The following CRY1 variants were observed in gnomAD, a reference collection of about 807,000 sequenced individuals.
CRY1 encodes the protein cryptochrome circadian regulator 1.
CRY1 carries 45 observed loss-of-function variants against 76.0 expected under a neutral mutation model. That is an observed-to-expected ratio of 0.59 (90% confidence interval 0.47 to 0.76). The LOEUF (loss-of-function observed/expected upper bound fraction) is 0.76. CRY1 is among the 30% of genes least tolerant of loss of function. The pLI is 0.00. For synonymous variants in CRY1, 248 were observed against 244.0 expected (o/e 1.02, Z -0.15); for missense variants, 587 against 716.4 (o/e 0.82, Z 2.06).
intron 1 of CRY1, among the ~76,000 whole-genome samples, chr12:107,032,435 G>T (rs1164825167): frequency 6.6e-6 from 1 of 151,682 alleles, no homozygotes; most frequent in Non-Finnish European, 1.5e-5. Context: ...AAACTATGTG[G>T]TCCCAAACAC....
chr12:106,995,512 T>A (rs1952224377), intron 10 of CRY1, among the ~76,000 whole-genome samples: 1 of 152,172 alleles, frequency 6.6e-6, no homozygotes, highest in Admixed American at 6.5e-5. Flanking sequence ...TACAAAGAGG[T>A]CCTGTTTCCC....
chr12:107,089,317 AT>A (rs1953441368), intron 1 of CRY1, among the ~76,000 whole-genome samples: 1 of 151,800 alleles, frequency 6.6e-6, no homozygotes, highest in African/African-American at 2.4e-5. Flanking sequence ...TGTCCTTCAA[AT>A]TTTTTGTTGT....
intron 1 of CRY1, among the ~76,000 whole-genome samples, chr12:107,081,106 G>A (rs1462582003): frequency 1.3e-5 from 2 of 152,082 alleles, no homozygotes; most frequent in South Asian, 2.1e-4. Context: ...CACTGAAGTT[G>A]TATACTAGAA....
At chr12:107,030,669 G>C (rs1214400325) in intron 1 of CRY1, among the ~76,000 whole-genome samples, 1 of 151,260 alleles carries the variant, frequency 6.6e-6, no homozygotes, top group African/African-American at 2.4e-5. Context: ...ACAGTGTACA[G>C]TAATGATATC....
intron 1 of CRY1, among the ~76,000 whole-genome samples, chr12:107,087,158 A>G (rs1421486233): frequency 2.0e-5 from 3 of 152,366 alleles, no homozygotes; most frequent in South Asian, 2.1e-4. Context: ...ACTCCAATCC[A>G]TGAGAGCAGC....
intron 2 of CRY1, among the ~76,000 whole-genome samples, chr12:107,015,493 G>A (rs555434221): frequency 1.3e-5 from 2 of 151,950 alleles, no homozygotes; most frequent in South Asian, 2.1e-4. Context: ...ACAGGCATGC[G>A]CCACCATACC....
chr12:106,998,692 A>ACACACACACAC (rs35847830), intron 7 of CRY1, among the ~76,000 whole-genome samples: 3 of 150,852 alleles, frequency 2.0e-5, no homozygotes, highest in Non-Finnish European at 3.0e-5. Context: ...ACACACACAC[A>ACACACACACAC]AGCTCAGAAA....
At chr12:106,999,043 C>CAAA (rs778236677) in intron 7 of CRY1, among the ~76,000 whole-genome samples, 126 of 52,626 alleles carry the variant, frequency 2.4e-3, no homozygotes, top group African/African-American at 7.6e-3. Context: ...GACTCCGTCT[C>CAAA]AAAAAAAAAA....
At chr12:107,024,879 C>T (rs1952591081) in intron 1 of CRY1, among the ~76,000 whole-genome samples, 2 of 151,658 alleles carry the variant, frequency 1.3e-5, no homozygotes, top group South Asian at 2.1e-4. Flanking sequence ...AAAAGCTGCA[C>T]AGATTTAAAA....
intron 1 of CRY1, among the ~76,000 whole-genome samples, chr12:107,084,659 A>G (rs1044218186): frequency 6.6e-6 from 1 of 152,244 alleles, no homozygotes; most frequent in Non-Finnish European, 1.5e-5. Context: ...TACACTGTAT[A>G]CAAAAATTCA....
chr12:107,053,990 T>G (rs568657136), intron 1 of CRY1, among the ~76,000 whole-genome samples: 1 of 152,240 alleles, frequency 6.6e-6, no homozygotes, highest in South Asian at 2.1e-4. Flanking sequence ...CTAAGAGAGT[T>G]TACCATCACC....
At chr12:107,026,239 T>C (rs559804580) in intron 1 of CRY1, among the ~76,000 whole-genome samples, 113 of 146,150 alleles carry the variant, frequency 7.7e-4, no homozygotes, top group African/African-American at 2.9e-3. Flanking sequence ...TCTCCCCATC[T>C]CTCTCTTTCT....
At chr12:107,087,150 T>C (rs1430033118) in intron 1 of CRY1, among the ~76,000 whole-genome samples, 2 of 152,234 alleles carry the variant, frequency 1.3e-5, no homozygotes, top group African/African-American at 2.4e-5. Flanking sequence ...GACATTAGAC[T>C]CCAATCCATG....
intron 2 of CRY1, among the ~76,000 whole-genome samples, chr12:107,006,413 T>C (rs1312121869): frequency 1.3e-5 from 2 of 152,070 alleles, no homozygotes; most frequent in Non-Finnish European, 2.9e-5. Context: ...TTACAGTATA[T>C]ATCTTTACCT....
intron 1 of CRY1, among the ~76,000 whole-genome samples, 188 bp downstream of exon 1, chr12:107,092,616 C>T (rs1953484983): frequency 6.6e-6 from 1 of 152,136 alleles, no homozygotes; most frequent in African/African-American, 2.4e-5. Flanking sequence ...TGTTTCAGGT[C>T]GTCAGTACTC....
At chr12:107,037,293 G>A (rs1430308478) in intron 1 of CRY1, among the ~76,000 whole-genome samples, 2 of 152,044 alleles carry the variant, frequency 1.3e-5, no homozygotes, top group African/African-American at 4.8e-5. Flanking sequence ...AGCACTTTGG[G>A]GGCCAAGGCA....
chr12:107,047,362 A>T (rs1428661968), intron 1 of CRY1, among the ~76,000 whole-genome samples: 1 of 152,122 alleles, frequency 6.6e-6, no homozygotes, highest in Non-Finnish European at 1.5e-5. Context: ...ACATACCAAA[A>T]CCTATGGACT....
rs774435974 is a variant in CRY1 at position 106,992,770 on chromosome 12, A to G, written c.*17T>C. Reference sequence around the variant, plus strand: ...TATACTCTTCTAAAGCAAGAAATACAGCTCTAAAATATTTACCTAATTAGT... The same window carrying G: ...TATACTCTTCTAAAGCAAGAAATACGGCTCTAAAATATTTACCTAATTAGT... On this transcript the variant is annotated intron_variant, in intron 12 of 12. Transcript: ENST00000008527. The G allele has an allele frequency of 4.4e-6, 7 of 1,581,478 alleles. No homozygotes were observed. The highest frequency in any genetic ancestry group is 6.1e-6 in the Non-Finnish European group (7 of 1,150,828).
intron 1 of CRY1, among the ~76,000 whole-genome samples, chr12:107,085,741 T>C (rs1167209101): frequency 3.3e-5 from 5 of 152,064 alleles, no homozygotes; most frequent in South Asian, 2.1e-4. Context: ...GACAGGTTGA[T>C]GGGTGCAGCA....
Sources: gnomAD v4.1 joint callset for allele counts (sites outside exome capture counted in the v4.1 genomes callset) on GRCh38, gnomAD v4.1.1 for gene constraint, MANE v1.5 for transcripts, NCBI Gene and HGNC (gene_info 2026-07-23, HGNC 2026-07-21) for gene names.